Variants in STK38 observed in about 807,000 individuals in gnomAD.
The protein encoded by STK38 is serine/threonine kinase 38, also known as serine/threonine-protein kinase 38.
Under a neutral mutation model 59.0 loss-of-function variants are expected in STK38, and 26 were observed. The ratio of observed to expected loss-of-function variants is 0.44; its 90% confidence interval spans 0.32 to 0.61. The LOEUF (loss-of-function observed/expected upper bound fraction) is 0.61, where lower values mean the gene tolerates loss of function less well. Among genes scored for constraint, STK38 ranks in the 20% least tolerant of loss-of-function variants. The probability of loss-of-function intolerance (pLI) is 0.04; values close to 1 mark genes in which losing one functional copy is unlikely to be tolerated. For missense variants in STK38, 433 were observed against 566.0 expected, an observed-to-expected ratio of 0.76 and a Z score of 2.38; for synonymous variants, 175 against 176.6, an observed-to-expected ratio of 0.99 and a Z score of 0.07.
intron 1 of STK38, among the ~76,000 whole-genome samples, chr6:36,546,315 T>C (rs1201172378): frequency 1.3e-5 from 2 of 152,220 alleles, no homozygotes; most frequent in African/African-American, 2.4e-5. Context: ...TGGTTTGCTA[T>C]AGCGTTCTCT....
intron 2 of STK38, among the ~76,000 whole-genome samples, chr6:36,538,770 T>C (rs1450282156): frequency 6.6e-6 from 1 of 150,942 alleles, no homozygotes; most frequent in Non-Finnish European, 1.5e-5. Flanking sequence ...CGCATGCCTG[T>C]AATCCCAGCT....
At chr6:36,524,487 G>A in intron 3 of STK38, 24 bp from the exon 4 acceptor site, 3 of 1,583,094 alleles carry the variant, frequency 1.9e-6, no homozygotes, top group African/African-American at 1.4e-5. Context: ...AAAAAAGGGA[G>A]GAGACGGGAA....
At chr6:36,536,515 AT>A (rs1022828719) in intron 2 of STK38, among the ~76,000 whole-genome samples, 3 of 151,820 alleles carry the variant, frequency 2.0e-5, no homozygotes, top group Non-Finnish European at 4.4e-5. Context: ...AAAACAAAAA[AT>A]TTTTTTTAAT....
At chr6:36,538,270 C>G (rs2127490536) in intron 2 of STK38, among the ~76,000 whole-genome samples, 1 of 151,780 alleles carries the variant, frequency 6.6e-6, no homozygotes, top group African/African-American at 2.4e-5. Context: ...CGCCACTGCA[C>G]TCCAGCCTGG....
rs144061101 is a variant in STK38 at position 36,512,032 on chromosome 6, C to G, written c.669+3306G>C. Reference sequence around the variant, plus strand: ...CAAGATCACATCACTGCACTCCAGCCTGGGTGACAGAGTGAGACTCCACCT... The same window carrying G: ...CAAGATCACATCACTGCACTCCAGCGTGGGTGACAGAGTGAGACTCCACCT... On this transcript the variant is annotated intron_variant, in intron 7 of 13. Transcript: ENST00000229812. Among the ~76,000 whole-genome samples the G allele has an allele frequency of 5.7e-3, 874 of 152,234 alleles. 8 individuals carry two copies. The highest frequency in any genetic ancestry group is 0.02 in the African/African-American group (829 of 41,538).
intron 7 of STK38, among the ~76,000 whole-genome samples, chr6:36,507,853 A>C (rs1345016436): frequency 1.3e-5 from 2 of 151,030 alleles, no homozygotes; most frequent in Non-Finnish European, 2.9e-5. Context: ...AACATAGCTG[A>C]CCCCTCCATA....
rs143057325 is a variant in STK38 at position 36,538,753 on chromosome 6, G to A, written c.131+1319C>T. Among the ~76,000 whole-genome samples, 107 of 151,808 alleles carry A rather than the reference G, an allele frequency of 7.0e-4. 1 individual carries two copies. Among genetic ancestry groups the A allele is most frequent in the African/African-American group, 2.3e-3 (94 of 41,394 alleles). ...CTAAAAATACAAAAATTAGCTGGGC[G>A]TGGTGGCGCATGCCTGTAATCCCAG... On this transcript the variant is annotated intron_variant, in intron 2 of 13. Coordinates refer to ENST00000229812, the MANE Select transcript of STK38 (RefSeq NM_007271.4).
chr6:36,532,859 A>G (rs1176445182), intron 2 of STK38, among the ~76,000 whole-genome samples: 1 of 152,014 alleles, frequency 6.6e-6, no homozygotes, highest in Non-Finnish European at 1.5e-5. Context: ...AGATTATGCC[A>G]TTGCACTCTA....
Position 36,525,655 on chromosome 6 carries a change from A to C in STK38, c.132-13T>G. On this transcript the variant is annotated splice_polypyrimidine_tract_variant and intron_variant, in intron 2 of 13. Coordinates refer to ENST00000229812, the MANE Select transcript of STK38 (RefSeq NM_007271.4). ...TAACTTCTTTTGTCTAAAACAAACA[A>C]AAACAAAAGACATGAAATCACATCT... The C allele has an allele frequency of 1.9e-6, 3 of 1,608,772 alleles. No homozygotes were observed. Among genetic ancestry groups the C allele is most frequent in the Non-Finnish European group, 1.7e-6 (2 of 1,175,480 alleles).
At position 36,499,334 on chromosome 6, in the gene STK38, T is replaced by A. The variant is rs575958522; in HGVS notation, c.952+539A>T. Among the ~76,000 whole-genome samples, 12 of 152,212 alleles carry A rather than the reference T, an allele frequency of 7.9e-5. 1 individual carries two copies. In the South Asian group the frequency reaches 2.3e-3, roughly 29 times the overall value. ...CGGTGTACGCCCACCTCCACAGGCA[T>A]CGTTCCCATGTTCCTGAAGCCAAAG... On this transcript the variant is annotated intron_variant, in intron 10 of 13. Coordinates refer to ENST00000229812, the MANE Select transcript of STK38 (RefSeq NM_007271.4).
rs1776742714 is a variant in STK38 at position 36,497,869 on chromosome 6, G to C, written c.1083C>G (p.Cys361Trp). 1 of 1,608,910 alleles carries C rather than the reference G, an allele frequency of 6.2e-7. No individual in the cohort carries two copies. ...CTCCAATTCTATGTTCCCATTCACA[G>C]CAGAACCTGGAAAAGACAGAGGCCT... Reference protein sequence around the residue: ...EKAKDLILRFCCEWEHRIGAP... With the variant: ...EKAKDLILRFWCEWEHRIGAP... Residue 361 changes from cysteine to tryptophan, a missense_variant, in exon 12 of 14, where the codon TGC becomes TGG. Physicochemically the swap from Cys to Trp is radical, Grantham distance 215. Around this residue, in one of 3 missense-constraint regions of STK38, gnomAD observed 136 missense variants for 156.7 expected, o/e 0.87. Coordinates refer to ENST00000229812, the MANE Select transcript of STK38 (RefSeq NM_007271.4).
chr6:36,512,430 A>T (rs1397831379), intron 7 of STK38, among the ~76,000 whole-genome samples: 3 of 152,240 alleles, frequency 2.0e-5, no homozygotes, highest in African/African-American at 7.2e-5. Flanking sequence ...GGCACCAACC[A>T]GGGCATCTGA....
intron 10 of STK38, among the ~76,000 whole-genome samples, chr6:36,499,051 G>C (rs535480961): frequency 1.3e-5 from 2 of 152,146 alleles, no homozygotes; most frequent in Non-Finnish European, 2.9e-5. Context: ...GTACCACTAG[G>C]AAGTCAGCTA....
intron 12 of STK38, 99 bp downstream of exon 12, chr6:36,497,681 C>T: frequency 1.1e-6 from 1 of 919,744 alleles, no homozygotes; most frequent in Non-Finnish European, 1.7e-6. Context: ...AAGAAGCTCT[C>T]TTCCCTTACT....
At chr6:36,543,700 G>A (rs1317393250) in intron 1 of STK38, among the ~76,000 whole-genome samples, 1 of 152,110 alleles carries the variant, frequency 6.6e-6, no homozygotes, top group African/African-American at 2.4e-5. Context: ...GGAGTGCAAT[G>A]GCACAATCTC....
intron 13 of STK38, 62 bp downstream of exon 13, chr6:36,496,649 C>T: frequency 2.4e-6 from 3 of 1,258,144 alleles, no homozygotes; most frequent in South Asian, 2.4e-5. Flanking sequence ...TAAACATCAT[C>T]CCAAAATTGG....
intron 2 of STK38, among the ~76,000 whole-genome samples, chr6:36,536,290 T>C (rs1777788564): frequency 6.6e-6 from 1 of 152,150 alleles, no homozygotes; most frequent in South Asian, 2.1e-4. Flanking sequence ...ATTAATTCAA[T>C]ATGGATCACA....
At chr6:36,546,467 C>A (rs572520477) in intron 1 of STK38, among the ~76,000 whole-genome samples, 1 of 152,294 alleles carries the variant, frequency 6.6e-6, no homozygotes, top group East Asian at 1.9e-4. Context: ...GGTGGAGACA[C>A]TCAGGGTCTA....
chr6:36,528,924 G>A (rs367599088), intron 2 of STK38, among the ~76,000 whole-genome samples: 13 of 152,176 alleles, frequency 8.5e-5, no homozygotes, highest in African/African-American at 2.9e-4. Context: ...GTTTACTGAA[G>A]TGTAATTAAA....
Sources: allele counts gnomAD v4.1 joint callset (sites outside exome capture counted in the v4.1 genomes callset), GRCh38; gene constraint gnomAD v4.1.1; regional missense constraint gnomAD v4.1.1; transcripts MANE v1.5; gene names NCBI Gene and HGNC (gene_info 2026-07-23, HGNC 2026-07-21).